Variants in TANC1 observed in about 807,000 individuals in gnomAD.
TANC1 encodes protein TANC1.
Under a neutral mutation model 149.7 loss-of-function variants are expected in TANC1, and 77 were observed. That is an observed-to-expected ratio of 0.51 (90% CI 0.43 to 0.62). The LOEUF is 0.62. Among genes scored for constraint, TANC1 ranks in the 20% least tolerant of loss-of-function variants. The pLI is 0.00. For synonymous variants in TANC1, 854 were observed against 925.0 expected, an observed-to-expected ratio of 0.92 and a Z score of 1.39; for missense variants, 1,985 against 2,321.8, an observed-to-expected ratio of 0.85 and a Z score of 2.98.
At chr2:159,105,806 C>T (rs180939784) in intron 4 of TANC1, among the ~76,000 whole-genome samples, 182 of 152,264 alleles carry the variant, frequency 1.2e-3, no homozygotes, top group African/African-American at 4.3e-3. Context: ...CCAAAACTTA[C>T]TTGTTTAACA....
chr2:159,178,370 A>T (rs755562263), intron 13 of TANC1, among the ~76,000 whole-genome samples, 186 bp from the exon 14 acceptor site: 20 of 152,306 alleles, frequency 1.3e-4, no homozygotes, highest in South Asian at 4.1e-4. Context: ...TCCCATCAGG[A>T]TTTCTTTCAC....
chr2:159,136,047 T>TGTGC (rs1209440253), intron 4 of TANC1, 147 bp from the exon 5 acceptor site: 11 of 211,180 alleles, frequency 5.2e-5, no homozygotes, highest in South Asian at 1.5e-4. Flanking sequence ...TGTGTGTGTG[T>TGTGC]GTGCGCGCGC....
chr2:159,126,164 C>T (rs1261193899), intron 4 of TANC1, among the ~76,000 whole-genome samples: 3 of 152,134 alleles, frequency 2.0e-5, no homozygotes, highest in South Asian at 2.1e-4. Flanking sequence ...CCTACATGGT[C>T]GTACCCAGAT....
intron 5 of TANC1, among the ~76,000 whole-genome samples, chr2:159,141,936 A>G (rs571621222): frequency 2.0e-5 from 3 of 152,348 alleles, no homozygotes; most frequent in African/African-American, 7.2e-5. Flanking sequence ...GCAAGGCCGT[A>G]GATCTACAGG....
intron 4 of TANC1, among the ~76,000 whole-genome samples, chr2:159,131,559 A>G (rs191934591): frequency 2.3e-3 from 223 of 97,908 alleles, no homozygotes; most frequent in African/African-American, 8.7e-3. Context: ...TTTCTGCTCC[A>G]CCTGCTCCAC....
At chr2:159,147,122 G>A (rs758844144) in intron 5 of TANC1, among the ~76,000 whole-genome samples, 4 of 152,152 alleles carry the variant, frequency 2.6e-5, no homozygotes, top group Non-Finnish European at 5.9e-5. Context: ...GGTGAATTCT[G>A]TGGAGCCAAG....
intron 2 of TANC1, among the ~76,000 whole-genome samples, chr2:159,048,327 A>G (rs1022330637): frequency 6.6e-6 from 1 of 152,210 alleles, no homozygotes; most frequent in Non-Finnish European, 1.5e-5. Flanking sequence ...TGGTAAAGAC[A>G]TGACTCTTGA....
intron 2 of TANC1, among the ~76,000 whole-genome samples, chr2:159,010,625 C>G (rs1194860918): frequency 6.6e-6 from 1 of 151,164 alleles, no homozygotes; most frequent in African/African-American, 2.4e-5. Context: ...ACACGTGGCT[C>G]TAGTTTACAG....
intron 9 of TANC1, 121 bp from the exon 10 acceptor site, chr2:159,170,403 C>A (rs2055073033): frequency 1.1e-6 from 1 of 886,476 alleles, no homozygotes; most frequent in Non-Finnish European, 1.7e-6. Flanking sequence ...GAAATGCTTA[C>A]AGACAGATCC....
At chr2:159,046,629 T>C in intron 2 of TANC1, among the ~76,000 whole-genome samples, 1 of 138,100 alleles carries the variant, frequency 7.2e-6, no homozygotes, top group Non-Finnish European at 1.5e-5. Flanking sequence ...AGGCAGGGTC[T>C]AGCTTTGTCA....
At chr2:158,974,063 A>T (rs928774603) in intron 1 of TANC1, among the ~76,000 whole-genome samples, 4 of 152,182 alleles carry the variant, frequency 2.6e-5, no homozygotes, top group Non-Finnish European at 5.9e-5. Context: ...TGTGGATGAA[A>T]CAGTTTGGTT....
chr2:159,099,519 C>A (rs937844840), intron 4 of TANC1, among the ~76,000 whole-genome samples: 6 of 151,332 alleles, frequency 4.0e-5, no homozygotes, highest in Non-Finnish European at 7.4e-5. Flanking sequence ...CAAAACAAAA[C>A]AAAACAAAAA....
In TANC1 at chr2:159,213,940, A is replaced by G. The variant is rs544752743; in HGVS notation, c.3245-3557A>G. ...CAGGAGTTCGAGACCAGCCTGGCCAACATGGTGAAACCCCATCTCTACTAA... is the reference window on the plus strand; with the variant it reads ...CAGGAGTTCGAGACCAGCCTGGCCAGCATGGTGAAACCCCATCTCTACTAA... On this transcript the variant is annotated intron_variant, in intron 19 of 26. Transcript: ENST00000263635. Among the ~76,000 whole-genome samples the G allele has an allele frequency of 6.6e-5, 10 of 152,188 alleles. No homozygotes were observed. In the East Asian group the frequency reaches 1.4e-3, roughly 21 times the overall value.
chr2:159,124,505 T>C (rs1479803328), intron 4 of TANC1, among the ~76,000 whole-genome samples: 1 of 152,122 alleles, frequency 6.6e-6, no homozygotes, highest in Non-Finnish European at 1.5e-5. Context: ...GATCCTGCCT[T>C]CCTTTTGGAG....
chr2:159,111,218 T>C (rs2047684082), intron 4 of TANC1, among the ~76,000 whole-genome samples: 1 of 152,206 alleles, frequency 6.6e-6, no homozygotes, highest in Non-Finnish European at 1.5e-5. Context: ...GTGCACACTA[T>C]GGAAATGAGA....
At chr2:159,049,678 C>G (rs1376311617) in intron 2 of TANC1, among the ~76,000 whole-genome samples, 2 of 152,072 alleles carry the variant, frequency 1.3e-5, no homozygotes, top group African/African-American at 2.4e-5. Flanking sequence ...ACTGGTGAGA[C>G]GGAGACCTGT....
intron 16 of TANC1, among the ~76,000 whole-genome samples, chr2:159,187,743 C>T (rs72951500): frequency 6.6e-6 from 1 of 152,120 alleles, no homozygotes; most frequent in African/African-American, 2.4e-5. Flanking sequence ...GTCTTCCCCC[C>T]GAATCACTCA....
At chr2:159,166,523 A>C (rs1378011509) in intron 8 of TANC1, among the ~76,000 whole-genome samples, 1 of 152,118 alleles carries the variant, frequency 6.6e-6, no homozygotes, top group Non-Finnish European at 1.5e-5. Context: ...CGCTGTAGAG[A>C]TTCTAGCAGT....
intron 2 of TANC1, among the ~76,000 whole-genome samples, chr2:159,045,671 G>T (rs562885475): frequency 1.3e-5 from 2 of 152,244 alleles, no homozygotes; most frequent in African/African-American, 4.8e-5. Context: ...AAAAATATTT[G>T]TATGGGGAGT....
Sources: allele counts gnomAD v4.1 joint callset (sites outside exome capture counted in the v4.1 genomes callset), GRCh38; gene constraint gnomAD v4.1.1; transcripts MANE v1.5; gene names NCBI Gene and HGNC (gene_info 2026-07-23, HGNC 2026-07-21).